Variants in OCA2 observed in about 807,000 individuals in gnomAD.
The protein encoded by OCA2 is OCA2 melanosomal transmembrane protein, also known as P protein.
OCA2 carries 77 observed loss-of-function variants against 100.2 expected under a neutral mutation model. That is an observed-to-expected ratio of 0.77 (90% CI 0.64 to 0.93). The LOEUF is 0.93. Ranked by LOEUF, OCA2 falls within the 40% of genes least tolerant of loss-of-function variation. OCA2 has a pLI of 0.00. For synonymous variants in OCA2, 432 were observed against 439.2 expected (o/e 0.98, Z 0.21); for missense variants, 1,062 against 1,089.1 (o/e 0.98, Z 0.35).
At chr15:27,889,609 G>A (rs549255971) in intron 19 of OCA2, among the ~76,000 whole-genome samples, 10 of 152,302 alleles carry the variant, frequency 6.6e-5, no homozygotes, top group South Asian at 6.2e-4. Flanking sequence ...GTGCCCATCC[G>A]TCATGGGGCA....
intron 23 of OCA2, among the ~76,000 whole-genome samples, chr15:27,837,592 A>C (rs2035200391): frequency 2.6e-5 from 4 of 152,192 alleles, no homozygotes. Flanking sequence ...TAAAAATTCT[A>C]AAATTGAGGA....
chr15:27,788,652 A>T (rs985914324), intron 23 of OCA2, among the ~76,000 whole-genome samples: 60 of 152,188 alleles, frequency 3.9e-4, no homozygotes, highest in Non-Finnish European at 6.8e-4. Flanking sequence ...ACCCTTTTTT[A>T]AAAATCTAGT....
In OCA2 at chr15:27,926,163, G is replaced by T. The variant is rs368126732; in HGVS notation, c.2043C>A (p.Thr681=). The change falls in exon 19 of 24, where the codon ACC becomes ACA. Residue 681 remains threonine, a synonymous_variant. Coordinates refer to ENST00000354638, the MANE Select transcript of OCA2 (RefSeq NM_000275.3). ...CAAAGAGCGCTGCAAAAAACAGAAGGGTTGCCCATTCCACTCTGTGTAGAA... is the reference window on the plus strand; with the variant it reads ...CAAAGAGCGCTGCAAAAAACAGAAGTGTTGCCCATTCCACTCTGTGTAGAA... The part of the protein sequence containing the change: ...EIILHRVEWA[T]LLFFAALFVL... The T allele has an allele frequency of 6.8e-6, 11 of 1,613,972 alleles. No individual in the cohort carries two copies. Among genetic ancestry groups the T allele is most frequent in the South Asian group, 3.3e-5 (3 of 91,080 alleles).
At chr15:27,969,647 C>T (rs2040701859) in intron 14 of OCA2, among the ~76,000 whole-genome samples, 2 of 152,160 alleles carry the variant, frequency 1.3e-5, no homozygotes, top group Non-Finnish European at 1.5e-5. Flanking sequence ...CCCCACTGTC[C>T]TCATTTGATG....
chr15:27,974,075 G>A (rs2040889883), intron 14 of OCA2, among the ~76,000 whole-genome samples: 1 of 152,162 alleles, frequency 6.6e-6, no homozygotes, highest in Non-Finnish European at 1.5e-5. Flanking sequence ...AAATCTAGGA[G>A]TCTTGGAGGA....
the OCA2 span, among the ~76,000 whole-genome samples, chr15:27,723,464 G>T: frequency 1.3e-5 from 2 of 151,938 alleles, no homozygotes; most frequent in African/African-American, 4.8e-5. Context: ...TGCTAAACCT[G>T]CCCAGGAGTG....
chr15:28,074,490 T>A (rs7182340), intron 2 of OCA2, among the ~76,000 whole-genome samples: 2 of 151,668 alleles, frequency 1.3e-5, no homozygotes, highest in African/African-American at 4.9e-5. Flanking sequence ...CTGGCGAACA[T>A]GGTGAAACCC....
intron 2 of OCA2, among the ~76,000 whole-genome samples, chr15:28,075,375 C>T (rs990974147): frequency 6.6e-6 from 1 of 152,066 alleles, no homozygotes; most frequent in African/African-American, 2.4e-5. Context: ...TAATAAGGTG[C>T]CTCTAAATAC....
At chr15:27,841,296 A>T (rs1196877813) in intron 23 of OCA2, among the ~76,000 whole-genome samples, 1 of 152,204 alleles carries the variant, frequency 6.6e-6, no homozygotes, top group Non-Finnish European at 1.5e-5. Flanking sequence ...GCAGGGGTAG[A>T]GGTGGGAGGG....
chr15:27,730,787 T>G, the OCA2 span, among the ~76,000 whole-genome samples: 2,526 of 134,524 alleles, frequency 0.019, 119 homozygotes, highest in African/African-American at 0.066. Context: ...ATGTTTTTTT[T>G]TCAAATTATA....
At chr15:27,940,219 C>T (rs1043804664) in intron 18 of OCA2, among the ~76,000 whole-genome samples, 1 of 152,214 alleles carries the variant, frequency 6.6e-6, no homozygotes, top group African/African-American at 2.4e-5. Flanking sequence ...GATAAAACAT[C>T]ATATCATGTA....
At chr15:27,887,593 G>A (rs2037278410) in intron 19 of OCA2, among the ~76,000 whole-genome samples, 1 of 147,742 alleles carries the variant, frequency 6.8e-6, no homozygotes, top group African/African-American at 2.5e-5. Flanking sequence ...ATTCTACTGG[G>A]AGACCTGTAA....
At position 28,006,373 on chromosome 15, in the gene OCA2, T is replaced by C. The variant is rs189187620; in HGVS notation, c.1044+8403A>G. 2.4e-3 allele frequency among the ~76,000 whole-genome samples: 361 copies of C among 152,174 alleles called. 4 individuals are homozygous for C. The highest frequency in any genetic ancestry group is 8.2e-3 in the African/African-American group (341 of 41,530). ...AAAGAGAGCCATCCAGGAGGCGAGGTTGGAAAGGGTCCACCTACTTCAAGC... is the reference window on the plus strand; with the variant it reads ...AAAGAGAGCCATCCAGGAGGCGAGGCTGGAAAGGGTCCACCTACTTCAAGC... On this transcript the variant is annotated intron_variant, in intron 9 of 23. Coordinates refer to ENST00000354638, the MANE Select transcript of OCA2 (RefSeq NM_000275.3).
chr15:27,730,719 G>T, the OCA2 span, among the ~76,000 whole-genome samples: 1 of 134,396 alleles, frequency 7.4e-6, no homozygotes, highest in Non-Finnish European at 1.6e-5. Flanking sequence ...CCAGGAACCA[G>T]AGAAAAAGAC....
At chr15:27,942,013 G>A (rs1206619816) in intron 18 of OCA2, among the ~76,000 whole-genome samples, 10 of 152,044 alleles carry the variant, frequency 6.6e-5, no homozygotes, top group Admixed American at 2.6e-4. Flanking sequence ...AATAACAAGT[G>A]CTGGTGAAAG....
chr15:27,814,681 C>T (rs757682364), intron 23 of OCA2, among the ~76,000 whole-genome samples: 7 of 152,118 alleles, frequency 4.6e-5, no homozygotes, highest in Non-Finnish European at 5.9e-5. Flanking sequence ...AGCTCGAGAC[C>T]AGCCTGGCCA....
In OCA2 at chr15:27,922,678, GGGGTGTGT is replaced by G. The variant is rs1269624703; in HGVS notation, c.2079+3441_2079+3448del. Among the ~76,000 whole-genome samples, 835 of 99,004 alleles carry G rather than the reference GGGGTGTGT, an allele frequency of 8.4e-3. 29 individuals are homozygous for G. Among genetic ancestry groups the G allele is most frequent in the Admixed American group, 0.073 (619 of 8,516 alleles). 65.0% of individuals were successfully genotyped at this position (99,004 alleles called of 152,430 possible). On this transcript the variant is annotated intron_variant, in intron 19 of 23. Transcript: ENST00000354638. ...ACATAGCTTTTGTGGTTTTTTGTTT[GGGGTGTGT>G]GTGTGTGTGTGTGTGTGTGTGTGTG...
At chr15:27,811,922 C>T (rs1168648903) in intron 23 of OCA2, among the ~76,000 whole-genome samples, 1 of 152,220 alleles carries the variant, frequency 6.6e-6, no homozygotes, top group Non-Finnish European at 1.5e-5. Flanking sequence ...GAGCCCCTCC[C>T]CTGCACCAAC....
At chr15:27,956,239 C>T (rs1193828595) in intron 16 of OCA2, among the ~76,000 whole-genome samples, 2 of 152,088 alleles carry the variant, frequency 1.3e-5, no homozygotes, top group African/African-American at 4.8e-5. Context: ...ATCCCAGCTA[C>T]TCGGGAGGCT....
Sources: gnomAD v4.1 joint callset for allele counts (sites outside exome capture counted in the v4.1 genomes callset) on GRCh38, gnomAD v4.1.1 for gene constraint, MANE v1.5 for transcripts, NCBI Gene and HGNC (gene_info 2026-07-23, HGNC 2026-07-21) for gene names.